Variants in RBFOX1 observed in about 807,000 individuals in gnomAD.
The protein encoded by RBFOX1 is RNA binding protein fox-1 homolog 1.
Under a neutral mutation model 57.7 loss-of-function variants are expected in RBFOX1, and 8 were observed. That is an observed-to-expected ratio of 0.14 (90% CI 0.08 to 0.25). The LOEUF is 0.25. Ranked by LOEUF, RBFOX1 falls within the 10% of genes least tolerant of loss-of-function variation. The pLI is 1.00. For missense variants in RBFOX1, 611 were observed against 548.5 expected (o/e 1.11, Z -1.14); for synonymous variants, 326 against 222.4 (o/e 1.47, Z -4.15).
intron 4 of RBFOX1, among the ~76,000 whole-genome samples, chr16:7,277,275 A>G (rs2095458659): frequency 6.6e-6 from 1 of 152,212 alleles, no homozygotes; most frequent in East Asian, 1.9e-4. Context: ...TTTCAGAAGC[A>G]AAATATCATG....
chr16:6,552,993 GC>G (rs1264245444), intron 2 of RBFOX1, among the ~76,000 whole-genome samples: 2 of 152,062 alleles, frequency 1.3e-5, no homozygotes, highest in Non-Finnish European at 2.9e-5. Flanking sequence ...AGCATCAGCT[GC>G]CCCCTGCAAG....
intron 4 of RBFOX1, among the ~76,000 whole-genome samples, chr16:7,076,809 A>G (rs1324196863): frequency 2.6e-5 from 4 of 152,340 alleles, no homozygotes; most frequent in East Asian, 3.9e-4. Context: ...GCCCACTCAT[A>G]TACCTCCTGT....
intron 1 of RBFOX1, among the ~76,000 whole-genome samples, chr16:6,118,932 A>G (rs770862436): frequency 1.3e-5 from 2 of 151,730 alleles, no homozygotes. Context: ...AGGTTTCAAC[A>G]TGTGAATATG....
At chr16:7,142,129 G>T (rs1350560521) in intron 4 of RBFOX1, among the ~76,000 whole-genome samples, 1 of 151,906 alleles carries the variant, frequency 6.6e-6, no homozygotes, top group Non-Finnish European at 1.5e-5. Context: ...GCTAAAGGGA[G>T]CCTCACACCT....
intron 14 of RBFOX1, among the ~76,000 whole-genome samples, chr16:7,701,156 A>C (rs955257544): frequency 2.6e-5 from 4 of 152,106 alleles, no homozygotes; most frequent in Non-Finnish European, 4.4e-5. Context: ...AGCAGCAATG[A>C]AACTCAAACA....
chr16:5,390,037 T>A (rs1273525076), intron 1 of RBFOX1, among the ~76,000 whole-genome samples: 2 of 152,112 alleles, frequency 1.3e-5, no homozygotes, highest in Non-Finnish European at 2.9e-5. Flanking sequence ...CTTTCCATTT[T>A]TATTCTGTAG....
chr16:5,392,531 T>G (rs116096306), intron 1 of RBFOX1, among the ~76,000 whole-genome samples: 1 of 150,014 alleles, frequency 6.7e-6, no homozygotes, highest in Non-Finnish European at 1.5e-5. Context: ...ATATATATAT[T>G]TTTTTTCTTT....
chr16:6,500,460 A>G (rs908702027), intron 2 of RBFOX1, among the ~76,000 whole-genome samples: 5 of 152,186 alleles, frequency 3.3e-5, no homozygotes, highest in Admixed American at 3.3e-4. Context: ...TTGCAGCTCC[A>G]ACACCTAGTA....
intron 3 of RBFOX1, among the ~76,000 whole-genome samples, chr16:5,625,750 G>A (rs2048331873): frequency 1.3e-5 from 2 of 151,830 alleles, no homozygotes; most frequent in Admixed American, 6.6e-5. Flanking sequence ...TAGAGACAGG[G>A]TTTCATCATT....
chr16:6,613,065 A>G (rs568068659), intron 2 of RBFOX1, among the ~76,000 whole-genome samples: 1 of 150,696 alleles, frequency 6.6e-6, no homozygotes, highest in South Asian at 2.1e-4. Flanking sequence ...GTGTTTTGGA[A>G]TTCACAGGAT....
intron 1 of RBFOX1, among the ~76,000 whole-genome samples, chr16:5,410,856 G>T (rs187009316): frequency 6.6e-6 from 1 of 152,150 alleles, no homozygotes; most frequent in Admixed American, 6.6e-5. Flanking sequence ...AGTCATATAC[G>T]CATGGATTTA....
intron 4 of RBFOX1, among the ~76,000 whole-genome samples, chr16:7,348,250 C>G (rs987616176): frequency 2.6e-5 from 4 of 152,208 alleles, no homozygotes; most frequent in East Asian, 1.9e-4. Context: ...CTACAAACCA[C>G]TCTTTATGTA....
rs1362815797 is a variant in RBFOX1, at chr16:6,574,717, G to A, written c.-63-79886G>A. On this transcript the variant is annotated intron_variant, in intron 2 of 15. Transcript: ENST00000550418. ...TGCTGGGATTACAGGCGTGACTACC[G>A]CGCCCGGCCCGTATCTTCTATTAAG... 1.1e-4 allele frequency among the ~76,000 whole-genome samples: 14 copies of A among 130,198 alleles called. 1 individual carries two copies. Among genetic ancestry groups the A allele is most frequent in the Middle Eastern group, 4.3e-3 (1 of 234 alleles). 85.4% of individuals were successfully genotyped at this position (130,198 alleles called of 152,430 possible).
At chr16:6,711,742 C>G (rs2063753135) in intron 3 of RBFOX1, among the ~76,000 whole-genome samples, 1 of 152,206 alleles carries the variant, frequency 6.6e-6, no homozygotes, top group Non-Finnish European at 1.5e-5. Context: ...ACACTCCTCA[C>G]TGAGCCCATC....
At chr16:7,690,793 C>G (rs1410738778) in intron 14 of RBFOX1, among the ~76,000 whole-genome samples, 2 of 152,058 alleles carry the variant, frequency 1.3e-5, no homozygotes, top group Non-Finnish European at 2.9e-5. Context: ...TATGGGCCCT[C>G]TAAATCAATA....
intron 3 of RBFOX1, among the ~76,000 whole-genome samples, chr16:5,700,666 G>A (rs570185897): frequency 6.6e-6 from 1 of 152,286 alleles, no homozygotes; most frequent in East Asian, 1.9e-4. Context: ...AATTTCTTCA[G>A]TTCTGTTATT....
chr16:6,085,706 G>C (rs1291860133), intron 1 of RBFOX1, among the ~76,000 whole-genome samples: 3 of 152,072 alleles, frequency 2.0e-5, no homozygotes, highest in African/African-American at 7.2e-5. Context: ...ATGCACGTAA[G>C]GGGATGATGC....
intron 4 of RBFOX1, among the ~76,000 whole-genome samples, chr16:5,890,581 C>G (rs912253355): frequency 2.6e-5 from 4 of 151,678 alleles, no homozygotes; most frequent in South Asian, 2.1e-4. Context: ...CCTGTAATCT[C>G]AGCTACTCCA....
At chr16:6,263,556 G>C (rs2097714754) in intron 1 of RBFOX1, among the ~76,000 whole-genome samples, 1 of 152,126 alleles carries the variant, frequency 6.6e-6, no homozygotes, top group African/African-American at 2.4e-5. Context: ...CATTCTGACA[G>C]ATGTGGCATA....
Sources: allele counts gnomAD v4.1 joint callset (sites outside exome capture counted in the v4.1 genomes callset), GRCh38; gene constraint gnomAD v4.1.1; transcripts MANE v1.5; gene names NCBI Gene and HGNC (gene_info 2026-07-23, HGNC 2026-07-21).